Variants in KIF4A observed in about 807,000 individuals in gnomAD.
KIF4A encodes the protein chromosome-associated kinesin KIF4A.
A neutral mutation model predicts 105.9 loss-of-function variants in KIF4A; 7 were observed. That is an observed-to-expected ratio of 0.07 (90% confidence interval 0.04 to 0.12). The LOEUF (loss-of-function observed/expected upper bound fraction) is 0.12, where lower values mean the gene tolerates loss of function less well. Ranked by LOEUF, KIF4A falls within the 10% of genes least tolerant of loss-of-function variation. The probability of loss-of-function intolerance (pLI) is 1.00; values close to 1 mark genes in which losing one functional copy is unlikely to be tolerated. For synonymous variants in KIF4A, 281 were observed against 331.3 expected (o/e 0.85, Z 1.65); for missense variants, 558 against 929.2 (o/e 0.60, Z 5.19).
chrX:70,304,673 G>A (rs866753175), intron 7 of KIF4A, among the ~76,000 whole-genome samples: 2 of 9,564 alleles, frequency 2.1e-4, no homozygotes, highest in Non-Finnish European at 7.0e-4. Flanking sequence ...TTTTTTTTTT[G>A]AGAGAGAGAG....
Position 70,412,397 on chromosome X carries a change from T to A in KIF4A, c.3255+5322T>A, listed in dbSNP as rs1169044395. On this transcript the variant is annotated intron_variant, in intron 28 of 30. Coordinates refer to ENST00000374403, the MANE Select transcript of KIF4A (RefSeq NM_012310.5). ...CCCTTCAGATACTGCTTTCATGATA[T>A]TATCCCTAGGATAAAATAGAGAAAC... is the stretch of plus-strand genomic sequence containing the variant. Among the ~76,000 whole-genome samples, 8 of 111,713 alleles carry A rather than the reference T, an allele frequency of 7.2e-5. No homozygotes were observed. In the Admixed American group the frequency reaches 7.6e-4, roughly 11 times the overall value.
At chrX:70,402,327 C>T (rs770928969) in intron 22 of KIF4A, among the ~76,000 whole-genome samples, 9 of 112,008 alleles carry the variant, frequency 8.0e-5, no homozygotes, top group Non-Finnish European at 1.3e-4. Flanking sequence ...CACTTTATGA[C>T]CCATTTATTT....
intron 13 of KIF4A, among the ~76,000 whole-genome samples, chrX:70,350,372 G>A (rs2086024559): frequency 8.9e-6 from 1 of 111,799 alleles, no homozygotes; most frequent in Admixed American, 9.4e-5. Flanking sequence ...GCATTCCCAG[G>A]CACTCGGCAG....
intron 18 of KIF4A, among the ~76,000 whole-genome samples, chrX:70,378,291 G>A (rs2086182803): frequency 9.1e-6 from 1 of 110,245 alleles, no homozygotes; most frequent in South Asian, 3.9e-4. Flanking sequence ...GACCAGCCTG[G>A]GCAAAATTGT....
chrX:70,398,775 G>C (rs1357760970), intron 22 of KIF4A, among the ~76,000 whole-genome samples: 2 of 112,049 alleles, frequency 1.8e-5, no homozygotes, highest in Non-Finnish European at 3.8e-5. Context: ...CTCTACATTA[G>C]ACCAGGGTTT....
chrX:70,405,524 C>T (rs1250108999), intron 25 of KIF4A, among the ~76,000 whole-genome samples: 2 of 111,468 alleles, frequency 1.8e-5, no homozygotes, highest in Admixed American at 1.9e-4. Flanking sequence ...TCTTAATCAG[C>T]ATCCGAATGT....
At chrX:70,306,804 G>A (rs755758893) in intron 7 of KIF4A, among the ~76,000 whole-genome samples, 1 of 110,022 alleles carries the variant, frequency 9.1e-6, no homozygotes, top group African/African-American at 3.3e-5. Context: ...GCCTTCCAAA[G>A]TGCTGGGATT....
At chrX:70,391,770 C>A (rs924076805) in intron 20 of KIF4A, among the ~76,000 whole-genome samples, 20 of 110,975 alleles carry the variant, frequency 1.8e-4, no homozygotes, top group African/African-American at 6.5e-4. Context: ...ACCCTCCTCC[C>A]ACCCTCCACC....
At chrX:70,367,581 C>T (rs2086110105) in intron 15 of KIF4A, among the ~76,000 whole-genome samples, 1 of 111,926 alleles carries the variant, frequency 8.9e-6, no homozygotes, top group Non-Finnish European at 1.9e-5. Context: ...TATTGGCCCC[C>T]ACTCTCTTCT....
intron 13 of KIF4A, among the ~76,000 whole-genome samples, chrX:70,346,172 G>A (rs2085992017): frequency 8.9e-6 from 1 of 111,951 alleles, no homozygotes; most frequent in Non-Finnish European, 1.9e-5. Flanking sequence ...AGGTATGAAA[G>A]TTTAAAAAAT....
rs554859763 is a variant in KIF4A at position 70,416,540 on chromosome X, T to A, written c.3256-1348T>A. Reference sequence around the variant, plus strand: ...TGGTGGAGACAGGGTTTCAGCATGTTGCCCAGGCTAGTCTCAAACTCCTGA... The same window carrying A: ...TGGTGGAGACAGGGTTTCAGCATGTAGCCCAGGCTAGTCTCAAACTCCTGA... On this transcript the variant is annotated intron_variant, in intron 28 of 30. Coordinates refer to ENST00000374403, the MANE Select transcript of KIF4A (RefSeq NM_012310.5). Among the ~76,000 whole-genome samples the A allele has an allele frequency of 4.3e-4, 47 of 108,857 alleles. No homozygotes were observed. In the South Asian group the frequency reaches 0.019, roughly 44 times the overall value. 94.5% of individuals were successfully genotyped at this position (108,857 alleles called of 115,157 possible). A position where few individuals can be genotyped will look rare whatever the true frequency, so the allele number is the denominator to read the frequency against.
chrX:70,333,339 A>C (rs1410497647), intron 9 of KIF4A, among the ~76,000 whole-genome samples: 1 of 110,194 alleles, frequency 9.1e-6, no homozygotes, highest in Non-Finnish European at 1.9e-5. Context: ...AAAAAAGAAA[A>C]GAAAAGAAAA....
intron 5 of KIF4A, 131 bp from the exon 6 acceptor site, chrX:70,301,769 T>C: frequency 1.5e-6 from 1 of 679,589 alleles, no homozygotes; most frequent in South Asian, 3.2e-5. Context: ...AAGCAGTTCT[T>C]ATCACCATGA....
intron 13 of KIF4A, among the ~76,000 whole-genome samples, chrX:70,350,531 G>T (rs991796585): frequency 9.1e-6 from 1 of 109,331 alleles, no homozygotes; most frequent in South Asian, 4.0e-4. Context: ...GGGGGAGAGG[G>T]AGAGGGAGCT....
At position 70,372,806 on chromosome X, in the gene KIF4A, A is replaced by C. The variant is rs767989216; in HGVS notation, c.1675-1345A>C. On this transcript the variant is annotated intron_variant, in intron 15 of 30. Coordinates refer to ENST00000374403, the MANE Select transcript of KIF4A (RefSeq NM_012310.5). Reference sequence around the variant, plus strand: ...TTTGTGCAGCTCTTTACAGTTTACAAAATGTCTACCTTTTTATCTTATTTG... The same window carrying C: ...TTTGTGCAGCTCTTTACAGTTTACACAATGTCTACCTTTTTATCTTATTTG... Among the ~76,000 whole-genome samples, 5 of 113,152 alleles carry C rather than the reference A, an allele frequency of 4.4e-5. No homozygotes were observed. The South Asian group carries it at 1.8e-3, about 41-fold the overall frequency.
chrX:70,308,077 C>T (rs2085834419), intron 7 of KIF4A, among the ~76,000 whole-genome samples: 1 of 111,958 alleles, frequency 8.9e-6, no homozygotes, highest in African/African-American at 3.2e-5. Context: ...TTAGGTCTTT[C>T]CTGAGCATGT....
At chrX:70,403,830 T>C in intron 23 of KIF4A, 34 bp from the exon 24 acceptor site, 1 of 1,146,180 alleles carries the variant, frequency 8.7e-7, no homozygotes, top group Non-Finnish European at 1.2e-6. Context: ...GTGGTCATTC[T>C]TCAAATAAAC....
At chrX:70,292,699 G>A (rs763854029) in intron 3 of KIF4A, among the ~76,000 whole-genome samples, 47 of 111,611 alleles carry the variant, frequency 4.2e-4, no homozygotes, top group African/African-American at 1.5e-3. Flanking sequence ...AATTATCCCC[G>A]CCTTTCCTTT....
chrX:70,385,907 G>A (rs888403108), intron 18 of KIF4A, among the ~76,000 whole-genome samples: 2 of 111,172 alleles, frequency 1.8e-5, no homozygotes, highest in Non-Finnish European at 3.8e-5. Flanking sequence ...GAGCAGGTTT[G>A]TTACAAGGGT....
Sources: gnomAD v4.1 joint callset for allele counts (sites outside exome capture counted in the v4.1 genomes callset) on GRCh38, gnomAD v4.1.1 for gene constraint, MANE v1.5 for transcripts, NCBI Gene and HGNC (gene_info 2026-07-23, HGNC 2026-07-21) for gene names.